NRXN1: variants seen among roughly 807,000 people sequenced by gnomAD.
NRXN1 encodes neurexin-1.
In NRXN1, 39 loss-of-function variants were observed where a neutral mutation model predicts 150.9. The ratio of observed to expected loss-of-function variants is 0.26; its 90% CI spans 0.20 to 0.34. The LOEUF is 0.34. Ranked by LOEUF, NRXN1 falls within the 10% of genes least tolerant of loss-of-function variation. NRXN1 has a pLI of 1.00. For missense variants in NRXN1, 1,815 were observed against 1,949.9 expected, an observed-to-expected ratio of 0.93 and a Z score of 1.30; for synonymous variants, 924 against 757.0, an observed-to-expected ratio of 1.22 and a Z score of -3.62.
At chr2:50,019,779 T>C (rs1687238114) in intron 21 of NRXN1, among the ~76,000 whole-genome samples, 1 of 149,534 alleles carries the variant, frequency 6.7e-6, no homozygotes, top group African/African-American at 2.5e-5. Flanking sequence ...ACCCCGTCTC[T>C]ACTAAAAAAA....
At chr2:50,601,168 T>C (rs1356736004) in intron 8 of NRXN1, among the ~76,000 whole-genome samples, 2 of 152,170 alleles carry the variant, frequency 1.3e-5, no homozygotes, top group Non-Finnish European at 2.9e-5. Context: ...CCCTAAACAG[T>C]ATGATATATA....
At chr2:49,945,043 A>G (rs1013768331) in intron 21 of NRXN1, 6 of 152,188 alleles carry the variant, frequency 3.9e-5, no homozygotes, top group African/African-American at 1.4e-4. Context: ...TTTCAAGTGC[A>G]GAGTCTTTAA....
chr2:50,918,416 G>C, intron 5 of NRXN1: 1 of 315,696 alleles, frequency 3.2e-6, no homozygotes, highest in Non-Finnish European at 5.8e-6. Context: ...ACTCTACTAG[G>C]AAAAGTTAGC....
chr2:50,909,925 T>C (rs1684288498), intron 5 of NRXN1, among the ~76,000 whole-genome samples: 1 of 151,802 alleles, frequency 6.6e-6, no homozygotes, highest in Admixed American at 6.6e-5. Flanking sequence ...TAAAAATAAA[T>C]TAAAGAAAAC....
At chr2:50,086,802 G>A (rs1340062398) in intron 19 of NRXN1, among the ~76,000 whole-genome samples, 2 of 148,130 alleles carry the variant, frequency 1.4e-5, no homozygotes, top group African/African-American at 2.5e-5. Context: ...AGAGAGAGAG[G>A]GGGAGAGGCA....
chr2:50,214,326 G>A lies in NRXN1; in HGVS notation c.3546+22463C>T, dbSNP rs146631508. ...CTAAATGGGAAAGTCTTTAGCATAC[G>A]TCTTTCTCTTTTTCAAGTAGATTGC... On this transcript the variant is annotated intron_variant, in intron 18 of 22. Coordinates refer to ENST00000401669, the MANE Select transcript of NRXN1 (RefSeq NM_001330078.2). Among the ~76,000 whole-genome samples, 11 of 152,010 alleles carry A rather than the reference G, an allele frequency of 7.2e-5. No homozygotes were observed. In the East Asian group the frequency reaches 1.2e-3, roughly 16 times the overall value.
intron 18 of NRXN1, among the ~76,000 whole-genome samples, chr2:50,201,794 G>A (rs922767661): frequency 2.0e-5 from 3 of 152,274 alleles, no homozygotes; most frequent in South Asian, 4.1e-4. Flanking sequence ...TTCTGACCCT[G>A]GCTATAGACA....
intron 18 of NRXN1, among the ~76,000 whole-genome samples, chr2:50,116,613 T>C (rs1703106345): frequency 6.6e-6 from 1 of 152,040 alleles, no homozygotes; most frequent in African/African-American, 2.4e-5. Flanking sequence ...TCTGAACATA[T>C]ACAGATGTGG....
intron 2 of NRXN1, among the ~76,000 whole-genome samples, chr2:51,005,212 T>C (rs1304438710): frequency 6.6e-6 from 1 of 151,930 alleles, no homozygotes; most frequent in East Asian, 1.9e-4. Flanking sequence ...GACAATTAGT[T>C]TACCTTTACC....
intron 5 of NRXN1, among the ~76,000 whole-genome samples, chr2:50,896,017 CT>C (rs1242946728): frequency 6.6e-6 from 1 of 152,120 alleles, no homozygotes; most frequent in Non-Finnish European, 1.5e-5. Flanking sequence ...TCTCTCAAGC[CT>C]CTTCAATCTC....
intron 5 of NRXN1, among the ~76,000 whole-genome samples, chr2:50,867,657 ATATG>A (rs904432246): frequency 6.6e-5 from 10 of 151,734 alleles, no homozygotes; most frequent in Non-Finnish European, 1.3e-4. Flanking sequence ...TGTAAAGCTA[ATATG>A]TAAGTATGGC....
rs138488413 is a variant in NRXN1, at chr2:50,633,521, G to GTT, written c.833-9908_833-9907dup. Among the ~76,000 whole-genome samples the GTT allele has an allele frequency of 2.4e-3, 352 of 144,938 alleles. 5 individuals carry two copies. Among genetic ancestry groups the GTT allele is most frequent in the African/African-American group, 8.2e-3 (323 of 39,584 alleles). ...AAGGCTTTTTGGTTTATTTTGTTTT[G>GTT]TTTTTTTTTTCAGATGGAATGCTAC... On this transcript the variant is annotated intron_variant, in intron 5 of 22. Coordinates refer to ENST00000401669, the MANE Select transcript of NRXN1 (RefSeq NM_001330078.2).
At chr2:50,219,975 A>AATATATATATTATATATAATATATATT in intron 18 of NRXN1, among the ~76,000 whole-genome samples, 1 of 25,736 alleles carries the variant, frequency 3.9e-5, no homozygotes, top group East Asian at 5.0e-4. Flanking sequence ...ATATATATAT[A>AATATATATATTATATATAATATATATT]ATATATATAT....
At position 50,518,912 on chromosome 2, in the gene NRXN1, G is replaced by GAA. The variant is rs5831129; in HGVS notation, c.2374+9711_2374+9712dup. ...TTCCAAAAGTAAGAAGCATATTAGAGAAAAAAACCCTAAGTTTCTGCCTTT... is the reference window on the plus strand; with the variant it reads ...TTCCAAAAGTAAGAAGCATATTAGAGAAAAAAAAACCCTAAGTTTCTGCCTTT... On this transcript the variant is annotated intron_variant, in intron 12 of 22. Coordinates refer to ENST00000401669, the MANE Select transcript of NRXN1 (RefSeq NM_001330078.2). Among the ~76,000 whole-genome samples, 760 of 151,660 alleles carry GAA rather than the reference G, an allele frequency of 5.0e-3. 5 individuals are homozygous for GAA. Among genetic ancestry groups the GAA allele is most frequent in the African/African-American group, 0.018 (727 of 41,498 alleles).
intron 21 of NRXN1, among the ~76,000 whole-genome samples, chr2:49,991,753 T>C (rs922098228): frequency 2.0e-5 from 3 of 152,176 alleles, no homozygotes; most frequent in Non-Finnish European, 4.4e-5. Flanking sequence ...CTAAAGTTTA[T>C]ATGGAGAGGC....
chr2:49,927,922 G>A (rs1321742069), intron 22 of NRXN1, among the ~76,000 whole-genome samples: 1 of 151,962 alleles, frequency 6.6e-6, no homozygotes, highest in Non-Finnish European at 1.5e-5. Context: ...TAGTTTCTAG[G>A]TAATTTTTCG....
intron 2 of NRXN1, among the ~76,000 whole-genome samples, chr2:50,962,259 G>A (rs761114844): frequency 2.3e-4 from 35 of 151,460 alleles, no homozygotes; most frequent in Non-Finnish European, 4.6e-4. Context: ...CTCTCCCTTC[G>A]GTCTGTAATT....
In NRXN1 at chr2:49,975,412, T is replaced by C. The variant is rs139063693; in HGVS notation, c.4129-31621A>G. Among the ~76,000 whole-genome samples the C allele has an allele frequency of 3.3e-3, 500 of 152,234 alleles. 2 individuals carry two copies. The highest frequency in any genetic ancestry group is 0.011 in the African/African-American group (454 of 41,550). ...AAAAGTGTATTGGAATAAACATTGATAGGTGTGCCTCATAAGTAAAGCTTA... is the reference window on the plus strand; with the variant it reads ...AAAAGTGTATTGGAATAAACATTGACAGGTGTGCCTCATAAGTAAAGCTTA... On this transcript the variant is annotated intron_variant, in intron 21 of 22. Transcript: ENST00000401669.
chr2:50,924,479 A>T (rs1422445600), intron 3 of NRXN1, among the ~76,000 whole-genome samples: 1 of 151,738 alleles, frequency 6.6e-6, no homozygotes, highest in Non-Finnish European at 1.5e-5. Flanking sequence ...TTAAGAGAAA[A>T]GAAAAGCATT....
Sources: gnomAD v4.1 joint callset for allele counts (sites outside exome capture counted in the v4.1 genomes callset) on GRCh38, gnomAD v4.1.1 for gene constraint, MANE v1.5 for transcripts, NCBI Gene and HGNC (gene_info 2026-07-23, HGNC 2026-07-21) for gene names.